Variants in FRMPD4 observed in about 807,000 individuals in gnomAD.
The protein encoded by FRMPD4 is FERM and PDZ domain containing 4, also known as FERM and PDZ domain-containing protein 4.
FRMPD4 carries 22 observed loss-of-function variants against 94.1 expected under a neutral mutation model. The observed-to-expected ratio is 0.23, with a 90% CI of 0.17 to 0.33. The LOEUF (loss-of-function observed/expected upper bound fraction) is 0.33, where lower values mean the gene tolerates loss of function less well. FRMPD4 is among the 10% of genes least tolerant of loss of function. The pLI is 1.00. For synonymous variants in FRMPD4, 631 were observed against 548.6 expected (o/e 1.15, Z -2.10); for missense variants, 1,111 against 1,339.9 (o/e 0.83, Z 2.67).
chrX:12,708,273 C>T (rs1354972427), intron 13 of FRMPD4, among the ~76,000 whole-genome samples: 1 of 110,210 alleles, frequency 9.1e-6, no homozygotes. Flanking sequence ...AGTTCAAGAC[C>T]AGGCTGACCA....
chrX:12,284,690 A>G (rs1367706626), intron 1 of FRMPD4, among the ~76,000 whole-genome samples: 1 of 111,789 alleles, frequency 8.9e-6, no homozygotes, highest in African/African-American at 3.3e-5. Flanking sequence ...GCATGTGAAG[A>G]TGTCGTCCTG....
intron 1 of FRMPD4, among the ~76,000 whole-genome samples, chrX:12,404,782 A>G (rs1434129130): frequency 1.8e-5 from 2 of 111,822 alleles, no homozygotes; most frequent in Non-Finnish European, 3.8e-5. Flanking sequence ...AGTGGTTTAA[A>G]GTAGGAGTCA....
chrX:12,640,317 A>AG lies in FRMPD4; in HGVS notation c.422+25436_422+25437insG, dbSNP rs1555999400. 4.4e-4 allele frequency among the ~76,000 whole-genome samples: 46 copies of AG among 104,323 alleles called. 1 individual carries two copies. Among genetic ancestry groups the AG allele is most frequent in the African/African-American group, 8.9e-4 (24 of 26,934 alleles). 90.6% of individuals were successfully genotyped at this position (104,323 alleles called of 115,157 possible). On this transcript the variant is annotated intron_variant, in intron 4 of 16. Transcript: ENST00000675598. The stretch of plus-strand genomic sequence containing the variant: ...GTCTCAAAAAAAAAAAAAAAAAAAA[A>AG]AAAAAGGTAGTAAGGAGAGAAGGGG...
intron 1 of FRMPD4, among the ~76,000 whole-genome samples, chrX:12,273,750 T>C (rs1457237170): frequency 8.9e-6 from 1 of 112,344 alleles, no homozygotes; most frequent in Non-Finnish European, 1.9e-5. Context: ...TGTATGTGGC[T>C]CTTTTATGCT....
intron 4 of FRMPD4, among the ~76,000 whole-genome samples, chrX:12,668,520 G>T (rs1270775592): frequency 1.8e-5 from 2 of 109,244 alleles, no homozygotes; most frequent in South Asian, 3.9e-4. Flanking sequence ...AATTAATAAA[G>T]TGTGCTGAGG....
At chrX:12,695,348 T>C (rs2060117430) in intron 9 of FRMPD4, among the ~76,000 whole-genome samples, 1 of 112,275 alleles carries the variant, frequency 8.9e-6, no homozygotes, top group Middle Eastern at 4.2e-3. Flanking sequence ...CTACTACTAT[T>C]CCTTTTGTAA....
chrX:12,500,930 G>T (rs1404508828), intron 2 of FRMPD4, among the ~76,000 whole-genome samples: 1 of 112,241 alleles, frequency 8.9e-6, no homozygotes, highest in African/African-American at 3.2e-5. Flanking sequence ...ATTTTTAAAA[G>T]ATATGGATGA....
intron 3 of FRMPD4, among the ~76,000 whole-genome samples, chrX:11,947,441 C>T (rs1383985542): frequency 6.3e-5 from 7 of 111,824 alleles, no homozygotes; most frequent in African/African-American, 2.3e-4. Flanking sequence ...TTGGCAGCCT[C>T]AATGCTTGAT....
At position 12,607,202 on chromosome X, in the gene FRMPD4, G is replaced by A. The variant is rs750052402; in HGVS notation, c.159-2519G>A. 9.3e-4 allele frequency among the ~76,000 whole-genome samples: 104 copies of A among 111,471 alleles called. 1 individual carries two copies. The highest frequency in any genetic ancestry group is 3.4e-3 in the African/African-American group (103 of 30,634). On this transcript the variant is annotated intron_variant, in intron 2 of 16. Transcript: ENST00000675598. ...CTCAGGGTCTGGAATTCTGTCCTCT[G>A]ACACCCAGGCCTCTCCGTCTGATCT... is the stretch of plus-strand genomic sequence containing the variant.
At chrX:12,246,437 G>A (rs1177412141) in intron 1 of FRMPD4, among the ~76,000 whole-genome samples, 2 of 111,539 alleles carry the variant, frequency 1.8e-5, no homozygotes, top group Non-Finnish European at 3.8e-5. Context: ...TAGAATCATT[G>A]CTTCATCGAT....
chrX:12,409,277 G>GC (rs1411833712), intron 1 of FRMPD4, among the ~76,000 whole-genome samples: 2 of 111,446 alleles, frequency 1.8e-5, no homozygotes, highest in Non-Finnish European at 3.8e-5. Context: ...GTCACTACTG[G>GC]CATCTAGTGA....
At chrX:12,496,732 C>T (rs761351412) in intron 1 of FRMPD4, among the ~76,000 whole-genome samples, 1 of 111,451 alleles carries the variant, frequency 9.0e-6, no homozygotes, top group Non-Finnish European at 1.9e-5. Context: ...AACACATTAA[C>T]AGACATGTAG....
At chrX:12,140,100 A>T (rs1309975143) in intron 1 of FRMPD4, among the ~76,000 whole-genome samples, 1 of 111,933 alleles carries the variant, frequency 8.9e-6, no homozygotes, top group Non-Finnish European at 1.9e-5. Context: ...ATTACATTAG[A>T]CCACTTCAGA....
At chrX:12,412,045 A>C (rs926750388) in intron 1 of FRMPD4, among the ~76,000 whole-genome samples, 9 of 112,282 alleles carry the variant, frequency 8.0e-5, no homozygotes, top group African/African-American at 2.9e-4. Context: ...ATTCCTGTGC[A>C]GCCTGATTCA....
At chrX:12,315,637 C>T (rs747952554) in intron 1 of FRMPD4, among the ~76,000 whole-genome samples, 1 of 112,066 alleles carries the variant, frequency 8.9e-6, no homozygotes, top group South Asian at 3.8e-4. Flanking sequence ...CATCAATGAC[C>T]TCATTACCAG....
chrX:12,127,793 G>A (rs760883826), intron 3 of FRMPD4, among the ~76,000 whole-genome samples: 13 of 112,500 alleles, frequency 1.2e-4, no homozygotes, highest in East Asian at 2.8e-4. Context: ...ATACAATGTC[G>A]GTACAGGCAT....
chrX:12,034,159 GA>G (rs1192751875), intron 3 of FRMPD4, among the ~76,000 whole-genome samples: 2 of 111,943 alleles, frequency 1.8e-5, no homozygotes, highest in Non-Finnish European at 3.8e-5. Flanking sequence ...TGGGAGAGAA[GA>G]AAAAAAGTCA....
chrX:12,668,583 A>G (rs1186372141), intron 4 of FRMPD4, among the ~76,000 whole-genome samples: 2 of 104,769 alleles, frequency 1.9e-5, no homozygotes, highest in Non-Finnish European at 3.9e-5. Flanking sequence ...AGGTTAAGTC[A>G]TGAATGGAAA....
intron 2 of FRMPD4, among the ~76,000 whole-genome samples, chrX:12,531,653 C>T (rs918036556): frequency 1.8e-5 from 2 of 111,618 alleles, no homozygotes; most frequent in Non-Finnish European, 3.8e-5. Flanking sequence ...GGTGACTTGG[C>T]TGACATCACT....
Sources: allele counts gnomAD v4.1 joint callset (sites outside exome capture counted in the v4.1 genomes callset), GRCh38; gene constraint gnomAD v4.1.1; transcripts MANE v1.5; gene names NCBI Gene and HGNC (gene_info 2026-07-23, HGNC 2026-07-21).